PHOSPHO2: variants seen among roughly 807,000 people sequenced by gnomAD.
PHOSPHO2 encodes phosphatase, orphan 2, also known as pyridoxal phosphate phosphatase PHOSPHO2.
In PHOSPHO2, 14 loss-of-function variants were observed where a neutral mutation model predicts 16.4. The observed-to-expected ratio is 0.85, with a 90% confidence interval of 0.56 to 1.33. The LOEUF (loss-of-function observed/expected upper bound fraction) is 1.33, where lower values mean the gene tolerates loss of function less well. Ranked by LOEUF, PHOSPHO2 falls within the 40% of genes most tolerant of loss-of-function variation. PHOSPHO2 has a pLI of 0.00. For synonymous variants in PHOSPHO2, 85 were observed against 90.5 expected, an observed-to-expected ratio of 0.94 and a Z score of 0.34; for missense variants, 246 against 282.5, an observed-to-expected ratio of 0.87 and a Z score of 0.93.
At chr2:169,698,427 C>G (rs1191426544) in intron 3 of PHOSPHO2, 2 of 152,108 alleles carry the variant, frequency 1.3e-5, no homozygotes, top group Admixed American at 6.5e-5. Flanking sequence ...GATTCCAGCT[C>G]TGGCACTTTA....
chr2:169,700,015 A>C (rs1433930039), intron 3 of PHOSPHO2, among the ~76,000 whole-genome samples: 2 of 152,210 alleles, frequency 1.3e-5, no homozygotes, highest in African/African-American at 4.8e-5. Context: ...GATAAAATGA[A>C]AAGAGCAGTG....
chr2:169,697,907 G>A (rs1226134496), intron 3 of PHOSPHO2: 2 of 152,176 alleles, frequency 1.3e-5, no homozygotes, highest in African/African-American at 4.8e-5. Context: ...CCAGTCAGAA[G>A]CATCTGGATT....
chr2:169,698,016 A>T, intron 3 of PHOSPHO2: 1 of 152,224 alleles, frequency 6.6e-6, no homozygotes. Context: ...TTCTCTAGAT[A>T]TTCTAAATTA....
Position 169,694,510 on chromosome 2 carries a change from G to C in PHOSPHO2, c.-343G>C. 1.5e-6 allele frequency: 1 copy of C among 657,652 alleles called. No individual in the cohort carries two copies. Among genetic ancestry groups the C allele is most frequent in the Non-Finnish European group, 2.7e-6 (1 of 366,798 alleles). 40.7% of individuals were successfully genotyped at this position (657,652 alleles called of 1,614,324 possible). Reference sequence around the variant, plus strand: ...CTAGAGAAGAGAGGCGCCTGCGCTTGCGAGCTGGGCTTGTGAGTGGGGCTG... The same window carrying C: ...CTAGAGAAGAGAGGCGCCTGCGCTTCCGAGCTGGGCTTGTGAGTGGGGCTG... On this transcript the variant is annotated 5_prime_UTR_variant, in exon 1 of 4. Coordinates refer to ENST00000359744, the MANE Select transcript of PHOSPHO2 (RefSeq NM_001008489.4).
Position 169,694,574 on chromosome 2 carries a change from C to T in PHOSPHO2, c.-279C>T. 1.7e-6 allele frequency: 1 copy of T among 577,758 alleles called. No individual in the cohort carries two copies. The highest frequency in any genetic ancestry group is 3.1e-6 in the Non-Finnish European group (1 of 322,064). 35.8% of individuals were successfully genotyped at this position (577,758 alleles called of 1,614,324 possible). ...CGTGGGGCGAGGCCAAAGGACTGAACCCGCAGGAGCGTCACGGGCGCCGGG... is the reference window on the plus strand; with the variant it reads ...CGTGGGGCGAGGCCAAAGGACTGAATCCGCAGGAGCGTCACGGGCGCCGGG... On this transcript the variant is annotated 5_prime_UTR_variant, in exon 1 of 4. Transcript: ENST00000359744.
intron 1 of PHOSPHO2, 39 bp downstream of exon 1, chr2:169,694,661 C>T (rs1687440110): frequency 2.3e-6 from 1 of 435,454 alleles, no homozygotes; most frequent in Non-Finnish European, 4.3e-6. Context: ...CTGCCTGCTA[C>T]TCCCATCCCC....
At chr2:169,698,620 C>T (rs1687634106) in intron 3 of PHOSPHO2, among the ~76,000 whole-genome samples, 1 of 152,070 alleles carries the variant, frequency 6.6e-6, no homozygotes, top group Non-Finnish European at 1.5e-5. Context: ...TAATTATATC[C>T]TTTTCTGGAT....
At chr2:169,695,521 C>G (rs1687489169) in intron 2 of PHOSPHO2, among the ~76,000 whole-genome samples, 1 of 152,076 alleles carries the variant, frequency 6.6e-6, no homozygotes, top group East Asian at 1.9e-4. Flanking sequence ...CCTGTAGTTC[C>G]AGGTACTCTG....
chr2:169,695,340 G>C (rs1687477867), intron 2 of PHOSPHO2, 93 bp downstream of exon 2: 1 of 152,198 alleles, frequency 6.6e-6, no homozygotes, highest in African/African-American at 2.4e-5. Context: ...ACCTTAAAAA[G>C]TGTCAAGAAC....
In PHOSPHO2 at chr2:169,701,684, T is replaced by C; in HGVS notation, c.713T>C (p.Leu238Pro). 1 of 1,543,210 alleles carries C rather than the reference T, an allele frequency of 6.5e-7. No individual in the cohort carries two copies. ...GATATAATTTCTCATTTACAATTTC[T>C]AATAAAGGATTAATATGTCAGCAAT... ...GVDIISHLQFLIKD is the reference protein window; with the variant it reads ...GVDIISHLQFPIKD The change falls in exon 4 of 4, where the codon CTA (leucine) becomes CCA (proline). Residue 238 changes from leucine (L) to proline (P), a missense_variant. Coordinates refer to ENST00000359744, the MANE Select transcript of PHOSPHO2 (RefSeq NM_001008489.4).
chr2:169,697,165 G>A (rs1687573183), intron 2 of PHOSPHO2, among the ~76,000 whole-genome samples, 196 bp from the exon 3 acceptor site: 1 of 151,894 alleles, frequency 6.6e-6, no homozygotes, highest in South Asian at 2.1e-4. Context: ...ACAGGTGCCC[G>A]CCACCACGCC....
rs780589447 is a variant in PHOSPHO2, at chr2:169,701,434, G to C, written c.463G>C (p.Val155Leu). ...ATGCCCAAAGAATCTTTGCAAAAAG[G>C]TAGTTTTGATAGAATTTGTAGATAA... is the stretch of plus-strand genomic sequence containing the variant. Reference protein sequence around the residue: ...NRCPKNLCKKVVLIEFVDKQL... With the variant: ...NRCPKNLCKKLVLIEFVDKQL... The change falls in exon 4 of 4, where the codon GTA becomes CTA. Residue 155 changes from valine (V) to leucine (L), a missense_variant. Coordinates refer to ENST00000359744, the MANE Select transcript of PHOSPHO2 (RefSeq NM_001008489.4). 28 of 1,612,628 alleles carry C rather than the reference G, an allele frequency of 1.7e-5. No homozygotes were observed. The highest frequency in any genetic ancestry group is 2.3e-5 in the Non-Finnish European group (27 of 1,179,730).
intron 2 of PHOSPHO2, among the ~76,000 whole-genome samples, 155 bp downstream of exon 2, chr2:169,695,402 C>T (rs1687481796): frequency 1.3e-5 from 2 of 152,018 alleles, no homozygotes; most frequent in African/African-American, 4.8e-5. Context: ...TTTGGGAGGC[C>T]GAGGCGGGCG....
intron 3 of PHOSPHO2, chr2:169,698,260 A>G (rs1687618714): frequency 1.3e-5 from 2 of 152,208 alleles, no homozygotes; most frequent in South Asian, 2.1e-4. Flanking sequence ...GTGTACTTTG[A>G]AAGTAATGAA....
chr2:169,699,373 A>G (rs1473123789), intron 3 of PHOSPHO2, among the ~76,000 whole-genome samples: 2 of 152,204 alleles, frequency 1.3e-5, no homozygotes, highest in East Asian at 1.9e-4. Flanking sequence ...TTATAGCTGC[A>G]TAATATTCCA....
chr2:169,699,826 C>T (rs1687682579), intron 3 of PHOSPHO2, among the ~76,000 whole-genome samples: 1 of 151,916 alleles, frequency 6.6e-6, no homozygotes, highest in African/African-American at 2.4e-5. Context: ...CATGTATTGT[C>T]TTCTTTCCAG....
Position 169,701,114 on chromosome 2 carries a change from TG to T in PHOSPHO2, c.146del (p.Gly49AlafsTer12). On this transcript the variant is annotated frameshift_variant, in exon 4 of 4. Coordinates refer to ENST00000359744, the MANE Select transcript of PHOSPHO2 (RefSeq NM_001008489.4). LOFTEE classifies it high-confidence loss of function. Reference protein sequence around the residue: ...SYRKGFWTEFMGRVFKYLGDK... With the variant: ...SYRKGFWTEFXGRVFKYLGDK... ...CGAAAAGGATTTTGGACAGAATTTA[TG>T]GGCAGAGTCTTTAAGTATTTGGGAG... 6.2e-7 allele frequency: 1 copy of T among 1,614,068 alleles called. No individual in the cohort carries two copies. Among genetic ancestry groups the T allele is most frequent in the Non-Finnish European group, 8.5e-7 (1 of 1,179,980 alleles).
At chr2:169,695,010 G>A (rs1236858115) in intron 1 of PHOSPHO2, among the ~76,000 whole-genome samples, 1 of 152,178 alleles carries the variant, frequency 6.6e-6, no homozygotes, top group African/African-American at 2.4e-5. Flanking sequence ...GTAAATACAT[G>A]ACCACAGAAA....
chr2:169,698,953 T>A (rs1250104726), intron 3 of PHOSPHO2, among the ~76,000 whole-genome samples: 1 of 152,222 alleles, frequency 6.6e-6, no homozygotes, highest in Non-Finnish European at 1.5e-5. Flanking sequence ...GTGTCAGCAA[T>A]CATTTACTTA....
Sources: allele counts gnomAD v4.1 joint callset (sites outside exome capture counted in the v4.1 genomes callset), GRCh38; gene constraint gnomAD v4.1.1; transcripts MANE v1.5; gene names NCBI Gene and HGNC (gene_info 2026-07-23, HGNC 2026-07-21).